Variants in CHST15 observed in about 807,000 individuals in gnomAD.
The protein encoded by CHST15 is B cell RAG associated protein (GALNAC4S-6ST).
A neutral mutation model predicts 53.6 loss-of-function variants in CHST15; 30 were observed. That is an observed-to-expected ratio of 0.56 (90% CI 0.42 to 0.76). The LOEUF is 0.76. Among genes scored for constraint, CHST15 ranks in the 30% least tolerant of loss-of-function variants. The pLI is 0.00. For missense variants in CHST15, 627 were observed against 740.5 expected (o/e 0.85, Z 1.78); for synonymous variants, 296 against 289.8 (o/e 1.02, Z -0.22).
chr10:124,034,066 C>T (rs1947328895), intron 5 of CHST15, among the ~76,000 whole-genome samples: 1 of 152,220 alleles, frequency 6.6e-6, no homozygotes, highest in African/African-American at 2.4e-5. Flanking sequence ...AGCCGCCGCC[C>T]ACTTCTCTGA....
At chr10:124,044,139 G>A (rs547796039) in intron 3 of CHST15, among the ~76,000 whole-genome samples, 2 of 150,142 alleles carry the variant, frequency 1.3e-5, no homozygotes, top group Non-Finnish European at 3.0e-5. Context: ...GCAGAGGACC[G>A]GCACAGAGCA....
At chr10:124,087,503 C>T (rs964794075) in intron 1 of CHST15, among the ~76,000 whole-genome samples, 18 of 152,336 alleles carry the variant, frequency 1.2e-4, no homozygotes, top group Admixed American at 3.9e-4. Context: ...ATTTTCCAGG[C>T]ACCTGGGTGC....
intron 1 of CHST15, among the ~76,000 whole-genome samples, chr10:124,052,019 G>T (rs760472266): frequency 6.6e-6 from 1 of 152,126 alleles, no homozygotes; most frequent in African/African-American, 2.4e-5. Flanking sequence ...ATTTACATTT[G>T]CCCTCTGGGG....
chr10:124,069,407 T>C (rs910614452), intron 1 of CHST15, among the ~76,000 whole-genome samples: 1 of 151,920 alleles, frequency 6.6e-6, no homozygotes. Context: ...CAGATGGAAA[T>C]GGGGCAGAGG....
Position 124,009,176 on chromosome 10 carries a change from G to C in CHST15, c.*973C>G, listed in dbSNP as rs556433750. The C allele has an allele frequency of 8.4e-5, 99 of 1,183,622 alleles. 1 individual carries two copies. In the South Asian group the frequency reaches 1.4e-3, roughly 17 times the overall value. 73.3% of individuals were successfully genotyped at this position (1,183,622 alleles called of 1,614,324 possible). A position where few individuals can be genotyped will look rare whatever the true frequency, so the allele number is the denominator to read the frequency against. The stretch of plus-strand genomic sequence containing the variant: ...AAAAATTAAAATCCTCTGTTTCTCT[G>C]ATGATCTTGTAAACCTGATGAGGGC... On this transcript the variant is annotated 3_prime_UTR_variant, in exon 8 of 8. Coordinates refer to ENST00000435907, the MANE Select transcript of CHST15 (RefSeq NM_001270764.2).
intron 1 of CHST15, among the ~76,000 whole-genome samples, chr10:124,061,081 C>T (rs1948556927): frequency 6.6e-6 from 1 of 152,106 alleles, no homozygotes; most frequent in Admixed American, 6.5e-5. Context: ...CGTGGCTTGC[C>T]CTAAATCACA....
chr10:124,041,737 T>C (rs1564876581), intron 4 of CHST15, among the ~76,000 whole-genome samples: 1 of 152,228 alleles, frequency 6.6e-6, no homozygotes, highest in African/African-American at 2.4e-5. Context: ...TGTGAATATT[T>C]AAAACAAATT....
At chr10:124,016,447 G>C (rs1390727634) in intron 6 of CHST15, among the ~76,000 whole-genome samples, 6 of 152,120 alleles carry the variant, frequency 3.9e-5, no homozygotes, top group Admixed American at 1.3e-4. Flanking sequence ...GGGACAATCT[G>C]TTACTGCTGC....
In CHST15 at chr10:124,037,806, C is replaced by T. The variant is rs189235551; in HGVS notation, c.1190+709G>A. ...GGAAAGCTGGAAACTGTACATTCAA[C>T]GCAGACAAGGATAAAGGCATCAACC... is the stretch of plus-strand genomic sequence containing the variant. On this transcript the variant is annotated intron_variant, in intron 5 of 7. Transcript: ENST00000435907. 8.5e-5 allele frequency among the ~76,000 whole-genome samples: 13 copies of T among 152,304 alleles called. No individual in the cohort carries two copies. In the East Asian group the frequency reaches 1.4e-3, roughly 16 times the overall value.
Position 124,045,837 on chromosome 10 carries a change from C to G in CHST15, c.376G>C (p.Glu126Gln). 6.2e-7 allele frequency: 1 copy of G among 1,613,720 alleles called. No individual in the cohort carries two copies. The highest frequency in any genetic ancestry group is 1.1e-5 in the South Asian group (1 of 91,050). ...FPSNPSLMDS[E>Q]NPSDTKEHHH... Reference sequence around the variant, plus strand: ...TGCTCCTTTGTGTCACTTGGGTTTTCGCTGTCCATCAAGCTGGGGTTGCTG... The same window carrying G: ...TGCTCCTTTGTGTCACTTGGGTTTTGGCTGTCCATCAAGCTGGGGTTGCTG... The change falls in exon 2 of 8, where the codon GAA becomes CAA. Residue 126 changes from glutamate (E) to glutamine (Q), a missense_variant. Coordinates refer to ENST00000435907, the MANE Select transcript of CHST15 (RefSeq NM_001270764.2).
chr10:124,034,245 C>T (rs1223877023), intron 5 of CHST15, among the ~76,000 whole-genome samples: 1 of 152,198 alleles, frequency 6.6e-6, no homozygotes, highest in Non-Finnish European at 1.5e-5. Context: ...GAAGCTTTCA[C>T]ATTCAGTTCC....
At position 124,073,377 on chromosome 10, in the gene CHST15, G is replaced by A. The variant is rs553663048; in HGVS notation, c.-513+20092C>T. 3.3e-5 allele frequency among the ~76,000 whole-genome samples: 5 copies of A among 152,316 alleles called. No individual in the cohort carries two copies. In the South Asian group the frequency reaches 6.2e-4, roughly 19 times the overall value. On this transcript the variant is annotated intron_variant, in intron 1 of 7. Coordinates refer to ENST00000435907, the MANE Select transcript of CHST15 (RefSeq NM_001270764.2). ...AAAACAGGCCAAAAACCCAGGCCGC[G>A]GAAGTCAGGATAGCAATTTCCCTTG...
intron 5 of CHST15, among the ~76,000 whole-genome samples, chr10:124,029,397 C>T (rs1947132337): frequency 6.6e-6 from 1 of 152,206 alleles, no homozygotes; most frequent in Non-Finnish European, 1.5e-5. Context: ...CCTAAAAACG[C>T]CCAAATGAAT....
At position 124,019,243 on chromosome 10, in the gene CHST15, C is replaced by T. The variant is rs917891376; in HGVS notation, c.1347+2013G>A. 6.6e-6 allele frequency among the ~76,000 whole-genome samples: 1 copy of T among 152,154 alleles called. No homozygotes were observed. The highest frequency in any genetic ancestry group is 1.5e-5 in the Non-Finnish European group (1 of 68,016). On this transcript the variant is annotated intron_variant, in intron 6 of 7. Coordinates refer to ENST00000435907, the MANE Select transcript of CHST15 (RefSeq NM_001270764.2). This position sits in a 1 kb window ranked among gnomAD's most constrained non-coding sequence, Gnocchi z 4.6. ...AAGAAACCACAACCCCACCTTGAGG[C>T]GTCATGCCAGCGCCCCTTTCCTCCT...
intron 1 of CHST15, among the ~76,000 whole-genome samples, chr10:124,055,053 C>A (rs1218153567): frequency 6.6e-6 from 1 of 152,254 alleles, no homozygotes; most frequent in Middle Eastern, 3.4e-3. Flanking sequence ...GATAAATACA[C>A]TTCACAAAGT....
Position 124,076,269 on chromosome 10 carries a change from T to C in CHST15, c.-513+17200A>G, listed in dbSNP as rs116522006. On this transcript the variant is annotated intron_variant, in intron 1 of 7. Transcript: ENST00000435907. Reference sequence around the variant, plus strand: ...TATTCAGGTTTTCTCTTCTCAAAGCTGAGCTGTCAAGTCAGTGAGTTTCAT... The same window carrying C: ...TATTCAGGTTTTCTCTTCTCAAAGCCGAGCTGTCAAGTCAGTGAGTTTCAT... 6.4e-3 allele frequency among the ~76,000 whole-genome samples: 978 copies of C among 152,362 alleles called. 8 individuals carry two copies. Among genetic ancestry groups the C allele is most frequent in the African/African-American group, 0.023 (945 of 41,586 alleles).
chr10:124,059,195 T>C (rs901119494), intron 1 of CHST15, among the ~76,000 whole-genome samples: 1 of 152,226 alleles, frequency 6.6e-6, no homozygotes, highest in African/African-American at 2.4e-5. Context: ...CATTGTTCCA[T>C]GGGTGCAGTG....
chr10:124,068,054 T>C (rs1948802325), intron 1 of CHST15, among the ~76,000 whole-genome samples: 1 of 152,186 alleles, frequency 6.6e-6, no homozygotes, highest in South Asian at 2.1e-4. Context: ...ACCAGAAACT[T>C]TGCCTTAATT....
chr10:124,063,505 A>T (rs1420162869), intron 1 of CHST15, among the ~76,000 whole-genome samples: 2 of 152,222 alleles, frequency 1.3e-5, no homozygotes, highest in African/African-American at 4.8e-5. Context: ...AACCTCTGTA[A>T]AATAGGTCAA....
Sources: gnomAD v4.1 joint callset for allele counts (sites outside exome capture counted in the v4.1 genomes callset) on GRCh38, gnomAD v4.1.1 for gene constraint, Gnocchi (gnomAD v3.1) non-coding constraint, MANE v1.5 for transcripts, NCBI Gene and HGNC (gene_info 2026-07-23, HGNC 2026-07-21) for gene names.